Variants in LRRK2 observed in about 807,000 individuals in gnomAD.
The protein encoded by LRRK2 is leucine-rich repeat serine/threonine-protein kinase 2.
Under a neutral mutation model 302.6 loss-of-function variants are expected in LRRK2, and 203 were observed. The observed-to-expected ratio is 0.67, with a 90% CI of 0.60 to 0.75. LRRK2 has a LOEUF of 0.75. LRRK2 is among the 30% of genes least tolerant of loss of function. LRRK2 has a pLI of 0.00. For synonymous variants in LRRK2, 1,066 were observed against 1,031.9 expected (o/e 1.03, Z -0.63); for missense variants, 2,830 against 2,951.0 (o/e 0.96, Z 0.95).
intron 23 of LRRK2, among the ~76,000 whole-genome samples, chr12:40,297,772 C>T (rs1246511662): frequency 2.0e-5 from 3 of 151,690 alleles, no homozygotes; most frequent in South Asian, 2.1e-4. Flanking sequence ...CAAAAAGTTT[C>T]GTAAAAAACA....
intron 48 of LRRK2, among the ~76,000 whole-genome samples, chr12:40,363,967 T>C (rs191071518): frequency 2.6e-5 from 4 of 151,962 alleles, no homozygotes; most frequent in East Asian, 3.9e-4. Context: ...GGAAATGCAA[T>C]GGACTGACCG....
intron 18 of LRRK2, among the ~76,000 whole-genome samples, chr12:40,279,900 AT>A (rs1158841027): frequency 3.3e-5 from 5 of 152,234 alleles, no homozygotes; most frequent in African/African-American, 1.2e-4. Flanking sequence ...AGTTTGTCGT[AT>A]GTACCTTATT....
At chr12:40,232,415 C>A in intron 3 of LRRK2, 32 bp downstream of exon 3, 1 of 1,509,460 alleles carries the variant, frequency 6.6e-7, no homozygotes, top group Non-Finnish European at 9.2e-7. Flanking sequence ...AACAAATGGC[C>A]TTGAGTATTT....
At chr12:40,305,232 A>G (rs1409913714) in intron 27 of LRRK2, among the ~76,000 whole-genome samples, 2 of 152,210 alleles carry the variant, frequency 1.3e-5, no homozygotes, top group Non-Finnish European at 2.9e-5. Context: ...AAAACTGTGC[A>G]TATATTTTGC....
At chr12:40,249,548 A>G (rs1299588143) in intron 7 of LRRK2, among the ~76,000 whole-genome samples, 1 of 152,196 alleles carries the variant, frequency 6.6e-6, no homozygotes, top group African/African-American at 2.4e-5. Flanking sequence ...ACATGACATG[A>G]GAGGGAATCA....
intron 8 of LRRK2, 108 bp from the exon 9 acceptor site, chr12:40,251,124 C>A: frequency 1.4e-6 from 1 of 719,800 alleles, no homozygotes; most frequent in Non-Finnish European, 2.2e-6. Context: ...TCTCCTAAAG[C>A]ACACCTCATT....
chr12:40,246,019 T>C (rs1237534778), intron 7 of LRRK2, among the ~76,000 whole-genome samples: 4 of 152,042 alleles, frequency 2.6e-5, no homozygotes, highest in African/African-American at 9.7e-5. Context: ...GACATCCTTG[T>C]CTTGCTCTTT....
intron 41 of LRRK2, among the ~76,000 whole-genome samples, chr12:40,340,757 A>G (rs999372269): frequency 6.6e-6 from 1 of 152,234 alleles, no homozygotes; most frequent in African/African-American, 2.4e-5. Context: ...ATAAAAAGTA[A>G]CAGCAAAAAC....
chr12:40,232,244 CAT>C (rs766352540), intron 2 of LRRK2, 28 bp from the exon 3 acceptor site: 12 of 1,476,030 alleles, frequency 8.1e-6, no homozygotes, highest in East Asian at 2.3e-5. Flanking sequence ...TTCTTTAAAA[CAT>C]GTGAATATAT....
At chr12:40,274,512 T>A in intron 14 of LRRK2, 71 bp from the exon 15 acceptor site, 1 of 1,501,546 alleles carries the variant, frequency 6.7e-7, no homozygotes, top group South Asian at 1.1e-5. Context: ...ATTTTGTCAG[T>A]CTATAACTGG....
chr12:40,225,993 A>T (rs772113201), intron 2 of LRRK2, among the ~76,000 whole-genome samples: 1 of 152,194 alleles, frequency 6.6e-6, no homozygotes, highest in Admixed American at 6.5e-5. Flanking sequence ...AATACAGAGC[A>T]TGTCCTAGAT....
intron 30 of LRRK2, among the ~76,000 whole-genome samples, chr12:40,309,660 A>G (rs554192988): frequency 3.9e-5 from 6 of 152,230 alleles, no homozygotes; most frequent in Non-Finnish European, 5.9e-5. Flanking sequence ...AAGTGGTCCC[A>G]GATTATTATG....
At chr12:40,283,468 A>G (rs1002648273) in intron 18 of LRRK2, among the ~76,000 whole-genome samples, 7 of 152,228 alleles carry the variant, frequency 4.6e-5, no homozygotes, top group Non-Finnish European at 7.3e-5. Context: ...CTATGTCACA[A>G]ATAAAGGCAG....
intron 39 of LRRK2, among the ~76,000 whole-genome samples, chr12:40,332,231 C>T (rs986302361): frequency 1.3e-5 from 2 of 152,146 alleles, no homozygotes; most frequent in African/African-American, 4.8e-5. Flanking sequence ...GGTCACTTCC[C>T]CCTGAACTAA....
At chr12:40,282,394 C>T (rs1425630188) in intron 18 of LRRK2, among the ~76,000 whole-genome samples, 1 of 151,890 alleles carries the variant, frequency 6.6e-6, no homozygotes, top group Non-Finnish European at 1.5e-5. Flanking sequence ...TATGTTTGCT[C>T]AGTGCTACAT....
At chr12:40,366,961 A>T (rs1264836705) in intron 49 of LRRK2, 45 bp from the exon 50 acceptor site, 1 of 1,445,718 alleles carries the variant, frequency 6.9e-7, no homozygotes, top group Non-Finnish European at 9.7e-7. Flanking sequence ...GGCCAGTTTA[A>T]TATATAGTTT....
chr12:40,327,325 A>G (rs2136911383), intron 38 of LRRK2, among the ~76,000 whole-genome samples: 1 of 152,326 alleles, frequency 6.6e-6, no homozygotes, highest in South Asian at 2.1e-4. Context: ...ACTTGTTCTC[A>G]ACCTTACCTG....
chr12:40,340,389 T>C lies in LRRK2; in HGVS notation c.6044T>C (p.Ile2015Thr). Reference sequence around the variant, plus strand: ...CCCAATGCTGCCATCATTGCAAAGATTGCTGACTACGGCATTGCTCAGTAC... The same window carrying C: ...CCCAATGCTGCCATCATTGCAAAGACTGCTGACTACGGCATTGCTCAGTAC... ...LYPNAAIIAK[I>T]ADYGIAQYCC... Residue 2015 changes from isoleucine to threonine, a missense_variant, in exon 41 of 51, where the codon ATT (isoleucine) becomes ACT (threonine). Physicochemically the swap from Ile to Thr is moderately conservative, Grantham distance 89. Coordinates refer to ENST00000298910, the MANE Select transcript of LRRK2 (RefSeq NM_198578.4). 6.2e-7 allele frequency: 1 copy of C among 1,613,896 alleles called. No homozygotes were observed. Among genetic ancestry groups the C allele is most frequent in the Non-Finnish European group, 8.5e-7 (1 of 1,179,854 alleles).
At position 40,235,717 on chromosome 12, in the gene LRRK2, A is replaced by G. The variant is rs371373441; in HGVS notation, c.436+3A>G. ...CTTAGATCTCCTCCTAACTTCAGGT[A>G]ATATGTGTATATGTTTTTTGTGTTG... On this transcript the variant is annotated splice_donor_region_variant and intron_variant, in intron 4 of 50. Coordinates refer to ENST00000298910, the MANE Select transcript of LRRK2 (RefSeq NM_198578.4). The G allele has an allele frequency of 9.7e-6, 15 of 1,541,626 alleles. No homozygotes were observed. Among genetic ancestry groups the G allele is most frequent in the Admixed American group, 3.3e-5 (2 of 59,898 alleles).
Sources: gnomAD v4.1 joint callset for allele counts (sites outside exome capture counted in the v4.1 genomes callset) on GRCh38, gnomAD v4.1.1 for gene constraint, MANE v1.5 for transcripts, NCBI Gene and HGNC (gene_info 2026-07-23, HGNC 2026-07-21) for gene names.